Variants in MOB3B observed in about 807,000 individuals in gnomAD.
MOB3B encodes MOB kinase activator-like 2B.
In MOB3B, 7 loss-of-function variants were observed where a neutral mutation model predicts 18.7. The observed-to-expected ratio is 0.37, with a 90% CI of 0.21 to 0.70. The LOEUF is 0.70. Among genes scored for constraint, MOB3B ranks in the 30% least tolerant of loss-of-function variants. The pLI, the probability that MOB3B is intolerant of heterozygous loss-of-function variation, is 0.52. For missense variants in MOB3B, 253 were observed against 281.3 expected, an observed-to-expected ratio of 0.90 and a Z score of 0.72; for synonymous variants, 111 against 99.9, an observed-to-expected ratio of 1.11 and a Z score of -0.66.
intron 3 of MOB3B, among the ~76,000 whole-genome samples, chr9:27,343,358 G>T (rs201601291): frequency 6.7e-6 from 1 of 149,928 alleles, no homozygotes. Context: ...GGGGTCCTCT[G>T]TCTAGGAAAA....
chr9:27,348,667 A>G lies in MOB3B; in HGVS notation c.621+10367T>C, dbSNP rs928128818. Among the ~76,000 whole-genome samples the G allele has an allele frequency of 7.2e-5, 11 of 152,192 alleles. No homozygotes were observed. In the East Asian group the frequency reaches 1.4e-3, roughly 19 times the overall value. ...GACTCCATCTCAAAATAAAAAAAAA[A>G]AAAGAAAGAAAGAAATAGACCTTAA... On this transcript the variant is annotated intron_variant, in intron 3 of 3. Transcript: ENST00000262244.
intron 2 of MOB3B, among the ~76,000 whole-genome samples, chr9:27,435,048 TC>T (rs1822478097): frequency 4.2e-5 from 1 of 24,024 alleles, no homozygotes; most frequent in East Asian, 1.1e-3. Flanking sequence ...GTAAGGTGTT[TC>T]TCTCTCTCTC....
chr9:27,436,645 A>G (rs1454196070), intron 2 of MOB3B, among the ~76,000 whole-genome samples: 1 of 152,236 alleles, frequency 6.6e-6, no homozygotes, highest in African/African-American at 2.4e-5. Context: ...GCAATGCTTC[A>G]GACTTGTTAT....
At chr9:27,330,956 C>G (rs1820779325) in intron 3 of MOB3B, among the ~76,000 whole-genome samples, 1 of 152,168 alleles carries the variant, frequency 6.6e-6, no homozygotes, top group African/African-American at 2.4e-5. Context: ...CAGTTTGCCC[C>G]AGTCCTTGCC....
intron 3 of MOB3B, among the ~76,000 whole-genome samples, chr9:27,337,684 C>T (rs1375205605): frequency 3.3e-5 from 5 of 152,118 alleles, no homozygotes; most frequent in Non-Finnish European, 5.9e-5. Flanking sequence ...TCAGCTATAC[C>T]GTGTGGGCCC....
intron 2 of MOB3B, among the ~76,000 whole-genome samples, chr9:27,449,094 G>T (rs1822742544): frequency 6.6e-6 from 1 of 152,142 alleles, no homozygotes; most frequent in Non-Finnish European, 1.5e-5. Context: ...CCTAGTAGAT[G>T]TCTCTCTAGA....
chr9:27,337,783 G>A (rs572249160), intron 3 of MOB3B, among the ~76,000 whole-genome samples: 1 of 152,336 alleles, frequency 6.6e-6, no homozygotes, highest in African/African-American at 2.4e-5. Context: ...TGGTGATACT[G>A]TTGTCAAAAG....
At chr9:27,348,668 A>G (rs11999396) in intron 3 of MOB3B, among the ~76,000 whole-genome samples, 16,609 of 151,704 alleles carry the variant, frequency 0.11, 2,375 homozygotes, top group African/African-American at 0.33. Flanking sequence ...AAAAAAAAAA[A>G]AAGAAAGAAA....
chr9:27,425,185 G>A (rs1822308256), intron 2 of MOB3B, among the ~76,000 whole-genome samples: 1 of 152,052 alleles, frequency 6.6e-6, no homozygotes, highest in Admixed American at 6.5e-5. Context: ...AGACCAGCCT[G>A]ACCAACATGG....
intron 1 of MOB3B, among the ~76,000 whole-genome samples, chr9:27,521,173 A>G (rs1027378555): frequency 6.6e-6 from 1 of 152,224 alleles, no homozygotes; most frequent in Non-Finnish European, 1.5e-5. Context: ...ATGCACTACA[A>G]CTTATTCCTC....
intron 1 of MOB3B, among the ~76,000 whole-genome samples, chr9:27,479,956 C>G (rs537679198): frequency 1.3e-5 from 2 of 151,636 alleles, no homozygotes; most frequent in Non-Finnish European, 1.5e-5. Context: ...ACTTGAGAAG[C>G]TGAGGCAGGA....
chr9:27,327,439 A>G lies in MOB3B; in HGVS notation c.*3148T>C, dbSNP rs2076986553. On this transcript the variant is annotated 3_prime_UTR_variant, in exon 4 of 4. Coordinates refer to ENST00000262244, the MANE Select transcript of MOB3B (RefSeq NM_024761.5). ...ACATGTAGCAGTCTTGGGAAAAAAA[A>G]TGTAACCTGTATCTCGTAATGAGGA... 1 of 152,184 alleles carries G rather than the reference A, an allele frequency of 6.6e-6. No individual in the cohort carries two copies. The highest frequency in any genetic ancestry group is 2.4e-5 in the African/African-American group (1 of 41,440). The allele number at this position is 152,184 out of a possible 1,614,324, so 9.4% of individuals were successfully genotyped here. A position where few individuals can be genotyped will look rare whatever the true frequency, so the allele number is the denominator to read the frequency against.
At chr9:27,392,812 T>C (rs1821745220) in intron 2 of MOB3B, among the ~76,000 whole-genome samples, 1 of 152,224 alleles carries the variant, frequency 6.6e-6, no homozygotes, top group African/African-American at 2.4e-5. Flanking sequence ...TTGGTTTCCT[T>C]ATCTATAAAA....
chr9:27,494,179 C>G (rs952924572), intron 1 of MOB3B, among the ~76,000 whole-genome samples: 4 of 152,168 alleles, frequency 2.6e-5, no homozygotes, highest in Non-Finnish European at 4.4e-5. Flanking sequence ...ATCTCAAAAC[C>G]CTGTCTCCTG....
intron 2 of MOB3B, among the ~76,000 whole-genome samples, chr9:27,445,350 T>C (rs530686447): frequency 8.2e-4 from 125 of 152,216 alleles, no homozygotes; most frequent in Middle Eastern, 3.4e-3. Flanking sequence ...CAAGCTTACA[T>C]AGGGAGAGCT....
At chr9:27,421,805 G>A (rs997837826) in intron 2 of MOB3B, 1 of 152,266 alleles carries the variant, frequency 6.6e-6, no homozygotes, top group South Asian at 2.1e-4. Context: ...ATGTCGGAGG[G>A]TTTGCTTCTT....
At chr9:27,344,505 A>G (rs556549686) in intron 3 of MOB3B, among the ~76,000 whole-genome samples, 7 of 152,246 alleles carry the variant, frequency 4.6e-5, no homozygotes, top group Non-Finnish European at 7.3e-5. Flanking sequence ...ACCAAAGGGA[A>G]AAAACACACC....
At chr9:27,483,767 A>G (rs1410292522) in intron 1 of MOB3B, among the ~76,000 whole-genome samples, 1 of 152,134 alleles carries the variant, frequency 6.6e-6, no homozygotes, top group East Asian at 1.9e-4. Context: ...ATCTTAAAAG[A>G]CCTGGTCCCA....
rs111466285 is a variant in MOB3B at position 27,522,929 on chromosome 9, T to A, written c.-199+6626A>T. Reference sequence around the variant, plus strand: ...AATAGAATAATATATATATATATATTTTTTTCCGTAAGAAACCTTTCCTAA... The same window carrying A: ...AATAGAATAATATATATATATATATATTTTTCCGTAAGAAACCTTTCCTAA... On this transcript the variant is annotated intron_variant, in intron 1 of 3. Transcript: ENST00000262244. 3.3e-3 allele frequency among the ~76,000 whole-genome samples: 499 copies of A among 151,298 alleles called. 5 individuals are homozygous for A. Among genetic ancestry groups the A allele is most frequent in the African/African-American group, 0.011 (461 of 41,290 alleles).
Sources: gnomAD v4.1 joint callset for allele counts (sites outside exome capture counted in the v4.1 genomes callset) on GRCh38, gnomAD v4.1.1 for gene constraint, MANE v1.5 for transcripts, NCBI Gene and HGNC (gene_info 2026-07-23, HGNC 2026-07-21) for gene names.